The following HELB variants were observed in gnomAD, a reference collection of about 807,000 sequenced individuals.
HELB encodes the protein DNA helicase B.
A neutral mutation model predicts 101.7 loss-of-function variants in HELB; 96 were observed. The observed-to-expected ratio is 0.94, with a 90% CI of 0.80 to 1.12. HELB has a LOEUF of 1.12. Ranked by LOEUF, HELB falls within the 50% of genes most tolerant of loss-of-function variation. HELB has a pLI of 0.00. For synonymous variants in HELB, 437 were observed against 459.7 expected (o/e 0.95, Z 0.63); for missense variants, 1,210 against 1,291.9 (o/e 0.94, Z 0.97).
At chr12:66,342,294 C>G (rs1168299), downstream of HELB, 78,183 of 151,622 alleles carry the variant, frequency 0.52, 20,811 homozygotes, top group African/African-American at 0.61. Flanking sequence ...TGGTACCCTT[C>G]TCAAAAATTA....
rs148155982 is a variant in HELB at position 66,315,751 on chromosome 12, G to T, written c.2000+368G>T. On this transcript the variant is annotated intron_variant, in intron 6 of 12. Coordinates refer to ENST00000247815, the MANE Select transcript of HELB (RefSeq NM_001370285.1). The stretch of plus-strand genomic sequence containing the variant: ...GGAAGAAATATCCCCTAATTTTTGT[G>T]GGAGAAAGCTGAAGGCAAAATAATT... 2.4e-3 allele frequency among the ~76,000 whole-genome samples: 359 copies of T among 152,226 alleles called. 3 individuals are homozygous for T. The highest frequency in any genetic ancestry group is 7.5e-3 in the African/African-American group (310 of 41,530).
intron 8 of HELB, 27 bp downstream of exon 8, chr12:66,322,056 T>C (rs756101730): frequency 1.7e-5 from 15 of 865,904 alleles, no homozygotes; most frequent in South Asian, 1.5e-4. Context: ...ATTTTAATGT[T>C]TTTAATCTAG....
rs780706106 is a variant in HELB at position 66,302,619 on chromosome 12, C to A, written c.16C>A (p.Pro6Thr). The change falls in exon 1 of 13, where the codon CCG (proline) becomes ACG (threonine). Residue 6 changes from proline (P) to threonine (T), a missense_variant. Physicochemically the swap from Pro to Thr is conservative, Grantham distance 38. This residue lies in a region of HELB where 470 missense variants were observed against 563.1 expected (regional missense o/e 0.83). Coordinates refer to ENST00000247815, the MANE Select transcript of HELB (RefSeq NM_001370285.1). ...CAGGAGAAGCATGGCCAGGTCGAGT[C>A]CGTACCTGCGCCAACTTCAGGGACC... MARSS[P>T]YLRQLQGPLL... 3 of 1,613,912 alleles carry A rather than the reference C, an allele frequency of 1.9e-6. No individual in the cohort carries two copies. In the Admixed American group the frequency reaches 5.0e-5, roughly 27 times the overall value.
At chr12:66,314,202 A>G in intron 5 of HELB, 39 bp downstream of exon 5, 1 of 1,580,900 alleles carries the variant, frequency 6.3e-7, no homozygotes. Context: ...TGTTTATTTC[A>G]AAGTATTGTG....
At chr12:66,311,202 T>G (rs59782454) in intron 4 of HELB, among the ~76,000 whole-genome samples, 3,851 of 151,374 alleles carry the variant, frequency 0.025, 176 homozygotes, top group African/African-American at 0.089. Flanking sequence ...GGTTCCTGTC[T>G]GTAATCCCAG....
intron 12 of HELB, among the ~76,000 whole-genome samples, chr12:66,336,926 A>C (rs2053872293): frequency 1.3e-5 from 2 of 152,138 alleles, no homozygotes; most frequent in Admixed American, 6.5e-5. Context: ...GGTTAGGGAG[A>C]GAGTAGGGAA....
intron 6 of HELB, 116 bp downstream of exon 6, chr12:66,315,499 T>G: frequency 4.6e-6 from 3 of 653,644 alleles, no homozygotes; most frequent in Non-Finnish European, 6.8e-6. Context: ...AGCAAAACTC[T>G]TCCATCCTTC....
At chr12:66,335,518 A>G (rs1386201235) in intron 12 of HELB, among the ~76,000 whole-genome samples, 1 of 152,160 alleles carries the variant, frequency 6.6e-6, no homozygotes, top group African/African-American at 2.4e-5. Context: ...AGGGCTGCTG[A>G]AAAAAGAAGG....
chr12:66,307,606 C>A (rs1254262898), intron 3 of HELB, among the ~76,000 whole-genome samples: 2 of 152,136 alleles, frequency 1.3e-5, no homozygotes, highest in Non-Finnish European at 2.9e-5. Flanking sequence ...CTCACTCTTG[C>A]TAGGCTCACC....
Position 66,306,401 on chromosome 12 carries a change from C to T in HELB, c.664C>T (p.Pro222Ser). ...GTTTCCGAAGATAATGGAATTCCTT[C>T]CAGTTCTTCTGCCTCGACACTTTAA... is the stretch of plus-strand genomic sequence containing the variant. ...LQFPKIMEFL[P>S]VLLPRHFKWI... is the part of the protein sequence containing the mutation. The change falls in exon 3 of 13, where the codon CCA becomes TCA. Residue 222 changes from proline to serine, a missense_variant. By Grantham distance (74) the Pro-to-Ser change is moderately conservative. Transcript: ENST00000247815. 1.2e-6 allele frequency: 2 copies of T among 1,608,274 alleles called. No individual in the cohort carries two copies. The highest frequency in any genetic ancestry group is 1.7e-6 in the Non-Finnish European group (2 of 1,177,316).
chr12:66,308,943 T>C (rs1436505102), intron 3 of HELB, among the ~76,000 whole-genome samples: 2 of 152,044 alleles, frequency 1.3e-5, no homozygotes, highest in East Asian at 1.9e-4. Context: ...TAAGAAAAAA[T>C]GGAGCCGATA....
Position 66,302,810 on chromosome 12 carries a change from G to T in HELB, c.187+20G>T. ...TCCGCGGTGAGGAAGGCGTCTGCCC[G>T]GGGGATGGGGTTGGAGGGTCCAAAG... On this transcript the variant is annotated intron_variant, in intron 1 of 12. Transcript: ENST00000247815. The T allele has an allele frequency of 6.3e-7, 1 of 1,586,666 alleles. No individual in the cohort carries two copies. The highest frequency in any genetic ancestry group is 1.1e-5 in the South Asian group (1 of 88,548).
In HELB at chr12:66,331,599, G is replaced by T; in HGVS notation, c.3116G>T (p.Arg1039Ile). 6.2e-7 allele frequency: 1 copy of T among 1,610,700 alleles called. No individual in the cohort carries two copies. The highest frequency in any genetic ancestry group is 1.1e-5 in the South Asian group (1 of 91,026). ...TTACCAAAATCGCGAGCATCCAAAA[G>T]AACCTGTGGTGTGAATGATGATGAA... ...DDLPKSRASK[R>I]TCGVNDDESP... Residue 1039 changes from arginine to isoleucine, a missense_variant, in exon 12 of 13, where the codon AGA becomes ATA. Arg to Ile is a moderately conservative substitution (Grantham distance 97). Transcript: ENST00000247815.
intron 2 of HELB, among the ~76,000 whole-genome samples, chr12:66,305,840 TC>T: frequency 6.6e-6 from 1 of 152,160 alleles, no homozygotes; most frequent in Non-Finnish European, 1.5e-5. Flanking sequence ...AATACTTCAG[TC>T]CAAAATGGTT....
At chr12:66,317,018 C>CAA (rs35841295) in intron 6 of HELB, among the ~76,000 whole-genome samples, 18 of 81,484 alleles carry the variant, frequency 2.2e-4, no homozygotes, top group East Asian at 6.5e-4. Flanking sequence ...GACTCCATCT[C>CAA]AAAAAAAAAA....
At chr12:66,324,639 A>G in intron 10 of HELB, 1 of 287,946 alleles carries the variant, frequency 3.5e-6, no homozygotes, top group Non-Finnish European at 6.7e-6. Context: ...ACCCTCACTG[A>G]AAGCTGTGAG....
At chr12:66,303,132 G>C (rs1050238843) in intron 1 of HELB, among the ~76,000 whole-genome samples, 1 of 130,228 alleles carries the variant, frequency 7.7e-6, no homozygotes, top group Non-Finnish European at 1.6e-5. Context: ...TTTAATGGTC[G>C]TCCTTTAATT....
chr12:66,337,891 T>G, intron 12 of HELB, 110 bp from the exon 13 acceptor site: 1 of 645,084 alleles, frequency 1.6e-6, no homozygotes. Flanking sequence ...CTTTCAAGGG[T>G]TGGGGAAGGT....
intron 11 of HELB, among the ~76,000 whole-genome samples, chr12:66,325,823 A>C (rs1224141237): frequency 1.3e-5 from 2 of 152,116 alleles, no homozygotes; most frequent in African/African-American, 2.4e-5. Context: ...GTTTTGACAA[A>C]TGTATCCTCT....
Sources: allele counts gnomAD v4.1 joint callset (sites outside exome capture counted in the v4.1 genomes callset), GRCh38; gene constraint gnomAD v4.1.1; regional missense constraint gnomAD v4.1.1; transcripts MANE v1.5; gene names NCBI Gene and HGNC (gene_info 2026-07-23, HGNC 2026-07-21).